The following RANBP17 variants were observed in gnomAD, a reference collection of about 807,000 sequenced individuals.
The protein encoded by RANBP17 is RAN binding protein 17, also known as ran-binding protein 17.
Under a neutral mutation model 141.2 loss-of-function variants are expected in RANBP17, and 158 were observed. That is an observed-to-expected ratio of 1.12 (90% CI 0.98 to 1.28). The LOEUF is 1.28. Among genes scored for constraint, RANBP17 ranks in the 50% most tolerant of loss-of-function variants. RANBP17 has a pLI of 0.00. For synonymous variants in RANBP17, 430 were observed against 450.0 expected (o/e 0.96, Z 0.56); for missense variants, 1,438 against 1,290.7 (o/e 1.11, Z -1.75).
intron 14 of RANBP17, among the ~76,000 whole-genome samples, chr5:171,087,262 A>C (rs1253210283): frequency 6.6e-6 from 1 of 152,040 alleles, no homozygotes; most frequent in East Asian, 1.9e-4. Flanking sequence ...GTTTCCATGT[A>C]GTTGTGCAGC....
At chr5:171,285,666 C>G (rs1768129860) in intron 25 of RANBP17, among the ~76,000 whole-genome samples, 1 of 152,148 alleles carries the variant, frequency 6.6e-6, no homozygotes, top group African/African-American at 2.4e-5. Context: ...TCTGCAGCCA[C>G]TTGAAATATG....
chr5:171,183,182 A>G lies in RANBP17; in HGVS notation c.1881A>G (p.Lys627=). Residue 627 remains lysine (K), a synonymous_variant, in exon 17 of 28, where the codon AAA becomes AAG. Coordinates refer to ENST00000523189, the MANE Select transcript of RANBP17 (RefSeq NM_022897.5). ...CTTCTATTACTTATATCCTTTTAAAAAAACTTGTGAAGATAGATGCTGTGA... is the reference window on the plus strand; with the variant it reads ...CTTCTATTACTTATATCCTTTTAAAGAAACTTGTGAAGATAGATGCTGTGA... ...NDLSVGYILL[K]KLVKIDAVKF... is the part of the protein sequence containing the mutation. 1.3e-6 allele frequency: 2 copies of G among 1,563,254 alleles called. No homozygotes were observed. The highest frequency in any genetic ancestry group is 1.7e-4 in the Middle Eastern group (1 of 5,956).
At position 171,102,811 on chromosome 5, in the gene RANBP17, G is replaced by T. The variant is rs193260367; in HGVS notation, c.1711-67319G>T. On this transcript the variant is annotated intron_variant, in intron 14 of 27. Transcript: ENST00000523189. ...GTTGTCCTTTTTTTTTTATGTTGAT[G>T]CTATTGCTTTCTGTTTGTTAGTTTT... is the stretch of plus-strand genomic sequence containing the variant. Among the ~76,000 whole-genome samples, 242 of 151,818 alleles carry T rather than the reference G, an allele frequency of 1.6e-3. 6 individuals carry two copies. In the East Asian group the frequency reaches 0.036, roughly 23 times the overall value.
intron 14 of RANBP17, among the ~76,000 whole-genome samples, chr5:171,128,356 A>C (rs1187060182): frequency 3.3e-5 from 5 of 152,210 alleles, no homozygotes; most frequent in Non-Finnish European, 7.3e-5. Flanking sequence ...CGAAGCATCC[A>C]TTCATTCCAT....
rs1051318363 is a variant in RANBP17 at position 171,241,229 on chromosome 5, G to A, written c.2637+87G>A. 2.3e-5 allele frequency: 22 copies of A among 976,998 alleles called. No individual in the cohort carries two copies. The African/African-American group carries it at 3.6e-4, about 16-fold the overall frequency. 60.5% of individuals were successfully genotyped at this position (976,998 alleles called of 1,614,324 possible). On this transcript the variant is annotated intron_variant, in intron 23 of 27. Coordinates refer to ENST00000523189, the MANE Select transcript of RANBP17 (RefSeq NM_022897.5). ...TGGAAGTGTTATAATGAAGCCCAGG[G>A]AGTTAGCCTAGAACATTTTATGTTT...
chr5:171,079,569 C>A (rs1785136310), intron 14 of RANBP17, among the ~76,000 whole-genome samples: 1 of 152,112 alleles, frequency 6.6e-6, no homozygotes, highest in African/African-American at 2.4e-5. Flanking sequence ...TTGCCATAAG[C>A]CAACTAACCT....
At chr5:171,106,231 C>T (rs1754825755) in intron 14 of RANBP17, among the ~76,000 whole-genome samples, 1 of 152,116 alleles carries the variant, frequency 6.6e-6, no homozygotes, top group South Asian at 2.1e-4. Context: ...GGAGTACTTT[C>T]CTCAGGCTTG....
At chr5:170,893,433 TA>T (rs1442699153) in intron 4 of RANBP17, among the ~76,000 whole-genome samples, 2 of 152,144 alleles carry the variant, frequency 1.3e-5, no homozygotes, top group Admixed American at 6.6e-5. Flanking sequence ...GATATATGTA[TA>T]TATTTTTTCA....
At chr5:171,160,433 T>C (rs1759263779) in intron 14 of RANBP17, among the ~76,000 whole-genome samples, 1 of 152,210 alleles carries the variant, frequency 6.6e-6, no homozygotes, top group Non-Finnish European at 1.5e-5. Context: ...ATGAAAATTT[T>C]ACTGTATACC....
intron 14 of RANBP17, among the ~76,000 whole-genome samples, chr5:171,076,223 T>C (rs1784910605): frequency 6.6e-6 from 1 of 152,216 alleles, no homozygotes; most frequent in Non-Finnish European, 1.5e-5. Flanking sequence ...AAAGCTGACT[T>C]ATTCTAAGAT....
chr5:171,154,106 T>TG (rs199720245), intron 14 of RANBP17, among the ~76,000 whole-genome samples: 9,377 of 150,360 alleles, frequency 0.062, 396 homozygotes, highest in East Asian at 0.11. Context: ...TAGTTTTTTT[T>TG]TTTTTTTTTT....
intron 14 of RANBP17, among the ~76,000 whole-genome samples, chr5:171,062,299 G>A (rs186388647): frequency 9.7e-4 from 147 of 152,284 alleles, no homozygotes; most frequent in African/African-American, 3.0e-3. Flanking sequence ...GGCTGGTACC[G>A]GTTGTTCCTT....
At chr5:170,918,428 A>AC (rs1554134261) in intron 9 of RANBP17, 6 of 229,078 alleles carry the variant, frequency 2.6e-5, no homozygotes, top group East Asian at 2.0e-4. Flanking sequence ...ACACACACAC[A>AC]ACTTTTGTGT....
chr5:171,110,646 G>A lies in RANBP17; in HGVS notation c.1711-59484G>A, dbSNP rs535565479. 5.9e-4 allele frequency among the ~76,000 whole-genome samples: 90 copies of A among 152,196 alleles called. 2 individuals are homozygous for A. Among genetic ancestry groups the A allele is most frequent in the African/African-American group, 2.1e-3 (87 of 41,516 alleles). ...TAATAACTTTTACATGTATACAGGA[G>A]CCTTGACAAGAAAAATGAAGATCAA... On this transcript the variant is annotated intron_variant, in intron 14 of 27. Transcript: ENST00000523189.
intron 14 of RANBP17, among the ~76,000 whole-genome samples, chr5:171,035,441 C>G (rs960141119): frequency 6.6e-6 from 1 of 151,828 alleles, no homozygotes; most frequent in Non-Finnish European, 1.5e-5. Context: ...CTTCTAATAT[C>G]TTTCTTAATA....
intron 18 of RANBP17, among the ~76,000 whole-genome samples, chr5:171,190,681 G>A (rs1367079432): frequency 6.6e-6 from 1 of 152,162 alleles, no homozygotes; most frequent in African/African-American, 2.4e-5. Flanking sequence ...AGACCCTCCA[G>A]GGAGCTATTC....
Position 170,892,572 on chromosome 5 carries a change from A to G in RANBP17, c.423+19A>G, listed in dbSNP as rs200625625. On this transcript the variant is annotated intron_variant, in intron 4 of 27. Coordinates refer to ENST00000523189, the MANE Select transcript of RANBP17 (RefSeq NM_022897.5). ...TCTCCAGGTAAGAAGTCATTGCTACATGGTTAGAACATCACTACTTGCTTT... is the reference window on the plus strand; with the variant it reads ...TCTCCAGGTAAGAAGTCATTGCTACGTGGTTAGAACATCACTACTTGCTTT... 5.0e-6 allele frequency: 8 copies of G among 1,607,138 alleles called. No homozygotes were observed. Among genetic ancestry groups the G allele is most frequent in the South Asian group, 1.1e-5 (1 of 90,076 alleles).
At chr5:171,146,337 T>C (rs909091228) in intron 14 of RANBP17, among the ~76,000 whole-genome samples, 1 of 152,242 alleles carries the variant, frequency 6.6e-6, no homozygotes, top group Admixed American at 6.5e-5. Flanking sequence ...GTTTATTGTG[T>C]GACTTCTACG....
At chr5:171,252,594 A>T in intron 24 of RANBP17, 1 of 1,351,826 alleles carries the variant, frequency 7.4e-7, no homozygotes, top group Non-Finnish European at 1.1e-6. Flanking sequence ...ACCTGAAGAG[A>T]TTTAAATATA....
Sources: gnomAD v4.1 joint callset for allele counts (sites outside exome capture counted in the v4.1 genomes callset) on GRCh38, gnomAD v4.1.1 for gene constraint, MANE v1.5 for transcripts, NCBI Gene and HGNC (gene_info 2026-07-23, HGNC 2026-07-21) for gene names.